The following SHANK2 variants were observed in gnomAD, a reference collection of about 807,000 sequenced individuals.
SHANK2 encodes the protein SH3 and multiple ankyrin repeat domains protein 2.
A neutral mutation model predicts 133.7 loss-of-function variants in SHANK2; 43 were observed. The ratio of observed to expected loss-of-function variants is 0.32; its 90% confidence interval spans 0.25 to 0.41. The LOEUF (loss-of-function observed/expected upper bound fraction) is 0.41. SHANK2 is among the 10% of genes least tolerant of loss of function. The pLI is 1.00. For synonymous variants in SHANK2, 1,017 were observed against 952.8 expected (o/e 1.07, Z -1.24); for missense variants, 1,994 against 2,235.8 (o/e 0.89, Z 2.18).
intron 11 of SHANK2, among the ~76,000 whole-genome samples, chr11:70,875,243 G>A (rs1555070969): frequency 1.3e-5 from 2 of 152,104 alleles, no homozygotes; most frequent in East Asian, 3.9e-4. Context: ...GTGCCCTCCT[G>A]TTGCGTGTAC....
intron 6 of SHANK2, among the ~76,000 whole-genome samples, chr11:71,102,423 C>G (rs1951729753): frequency 1.3e-5 from 2 of 152,162 alleles, no homozygotes; most frequent in Admixed American, 1.3e-4. Context: ...TCCCTCCGCT[C>G]CGGCCCCATG....
intron 11 of SHANK2, among the ~76,000 whole-genome samples, chr11:70,896,103 T>C (rs1783049668): frequency 6.6e-6 from 1 of 152,170 alleles, no homozygotes; most frequent in Admixed American, 6.5e-5. Flanking sequence ...TTATCATTAA[T>C]GGGGAAAATC....
At chr11:70,890,497 C>A (rs11237841) in intron 11 of SHANK2, among the ~76,000 whole-genome samples, 1 of 148,080 alleles carries the variant, frequency 6.8e-6, no homozygotes, top group Non-Finnish European at 1.5e-5. Context: ...ACAAAAAAAA[C>A]AAAAAAAACA....
At chr11:70,701,575 ATT>A in intron 14 of SHANK2, among the ~76,000 whole-genome samples, 1 of 149,092 alleles carries the variant, frequency 6.7e-6, no homozygotes, top group South Asian at 2.1e-4. Flanking sequence ...TAATTTTTAT[ATT>A]TTTTTTTTCG....
At position 70,486,714 on chromosome 11, in the gene SHANK2, G is replaced by A. The variant is rs782134839; in HGVS notation, c.3579C>T (p.Ser1193=). Residue 1193 remains serine (S), a synonymous_variant, in exon 25 of 26, where the codon AGC becomes AGT. Coordinates refer to ENST00000601538, the MANE Select transcript of SHANK2 (RefSeq NM_012309.5). This position sits in a 1 kb window ranked among gnomAD's most constrained non-coding sequence, Gnocchi z 8.0. ...CATAATTCCCGGGGCCGGCTGTGCC[G>A]CTGCTCGCGGAGGGCACTGCTGGGC... ...ESSPAVPSAS[S]GTAGPGNYVH... The A allele has an allele frequency of 1.9e-5, 31 of 1,610,110 alleles. No individual in the cohort carries two copies. The East Asian group carries it at 6.0e-4, about 31-fold the overall frequency.
At chr11:70,615,054 G>A (rs1464599590) in intron 17 of SHANK2, among the ~76,000 whole-genome samples, 1 of 152,230 alleles carries the variant, frequency 6.6e-6, no homozygotes, top group Non-Finnish European at 1.5e-5. Context: ...GAACCCATTC[G>A]TGGACATGCC....
intron 21 of SHANK2, 129 bp from the exon 22 acceptor site, chr11:70,492,594 G>C: frequency 4.9e-6 from 6 of 1,220,328 alleles, no homozygotes; most frequent in Middle Eastern, 1.9e-4. Flanking sequence ...TTGCTGCTGT[G>C]AGGAGCATGC....
At chr11:70,946,133 C>T (rs934582887) in intron 10 of SHANK2, among the ~76,000 whole-genome samples, 122 of 149,040 alleles carry the variant, frequency 8.2e-4, no homozygotes, top group East Asian at 9.9e-4. Context: ...CCTGCCTCTC[C>T]GCTAACTAAC....
chr11:70,660,649 G>C (rs1555013004), intron 16 of SHANK2, among the ~76,000 whole-genome samples: 1 of 152,216 alleles, frequency 6.6e-6, no homozygotes, highest in Non-Finnish European at 1.5e-5. Flanking sequence ...AGTGGCCAAG[G>C]GTGGGTGGGT....
At chr11:71,085,971 ATATATTATGTTATATAT>A (rs1951396866) in intron 8 of SHANK2, among the ~76,000 whole-genome samples, 1 of 36,936 alleles carries the variant, frequency 2.7e-5, no homozygotes, top group African/African-American at 1.0e-4. Flanking sequence ...TATATATTAT[ATATATTATGTTATATAT>A]TATATTATGT....
chr11:71,185,661 C>T (rs1210797884), intron 2 of SHANK2, among the ~76,000 whole-genome samples: 1 of 152,160 alleles, frequency 6.6e-6, no homozygotes. Context: ...CTGACATGGT[C>T]CTGGGTTGCA....
intron 17 of SHANK2, among the ~76,000 whole-genome samples, chr11:70,649,978 C>T (rs1438094523): frequency 1.3e-5 from 2 of 152,194 alleles, no homozygotes; most frequent in African/African-American, 4.8e-5. Flanking sequence ...TAGCAGAGAC[C>T]TGGTCAGCAA....
intron 17 of SHANK2, among the ~76,000 whole-genome samples, chr11:70,532,462 C>G (rs1352380723): frequency 6.6e-6 from 1 of 152,144 alleles, no homozygotes; most frequent in East Asian, 1.9e-4. Context: ...GCAAACGCCT[C>G]AAGTCTATGG....
chr11:70,789,261 C>T (rs1254751475), intron 14 of SHANK2, among the ~76,000 whole-genome samples: 3 of 152,192 alleles, frequency 2.0e-5, no homozygotes, highest in African/African-American at 4.8e-5. Flanking sequence ...CAAATGAGGT[C>T]CTGTCTCTTC....
chr11:71,147,533 G>A (rs1339912660), intron 2 of SHANK2, among the ~76,000 whole-genome samples, 195 bp from the exon 3 acceptor site: 1 of 152,172 alleles, frequency 6.6e-6, no homozygotes, highest in Non-Finnish European at 1.5e-5. Flanking sequence ...AGTCGGCACC[G>A]CCTGCTCCTC....
chr11:71,113,056 C>T (rs1451135550), intron 5 of SHANK2, among the ~76,000 whole-genome samples: 1 of 152,198 alleles, frequency 6.6e-6, no homozygotes, highest in Non-Finnish European at 1.5e-5. Flanking sequence ...CCAGTAGGAT[C>T]TGCCTCCCTT....
rs1286346642 is a variant in SHANK2 at position 70,739,995 on chromosome 11, C to T, written c.1778-41232G>A. 2.6e-5 allele frequency among the ~76,000 whole-genome samples: 4 copies of T among 152,222 alleles called. No individual in the cohort carries two copies. Among genetic ancestry groups the T allele is most frequent in the Non-Finnish European group, 5.9e-5 (4 of 68,046 alleles). ...CATCAGGAGACCTTGGACAGTCACA[C>T]GACCCAGACCAGGGGCCCGGCAGGG... On this transcript the variant is annotated intron_variant, in intron 14 of 25. Transcript: ENST00000601538. This position sits in a 1 kb window ranked among gnomAD's most constrained non-coding sequence, Gnocchi z 4.3.
chr11:70,599,961 AAGAAAGAAAG>A (rs782609973), intron 17 of SHANK2, among the ~76,000 whole-genome samples: 4,989 of 131,448 alleles, frequency 0.038, 149 homozygotes, highest in African/African-American at 0.053. Context: ...GAAAGAAAGA[AAGAAAGAAAG>A]AAAATGTATC....
At chr11:71,167,435 C>T (rs1590980092) in intron 2 of SHANK2, among the ~76,000 whole-genome samples, 1 of 147,264 alleles carries the variant, frequency 6.8e-6, no homozygotes, top group African/African-American at 2.5e-5. Flanking sequence ...CACCTCCCTC[C>T]CAGACGGGGC....
Sources: gnomAD v4.1 joint callset for allele counts (sites outside exome capture counted in the v4.1 genomes callset) on GRCh38, gnomAD v4.1.1 for gene constraint, Gnocchi (gnomAD v3.1) non-coding constraint, MANE v1.5 for transcripts, NCBI Gene and HGNC (gene_info 2026-07-23, HGNC 2026-07-21) for gene names.